The following ANO1 variants were observed in gnomAD, a reference collection of about 807,000 sequenced individuals.
The protein encoded by ANO1 is anoctamin-1.
In ANO1, 59 loss-of-function variants were observed where a neutral mutation model predicts 124.0. That is an observed-to-expected ratio of 0.48 (90% CI 0.39 to 0.59). The LOEUF is 0.59. Among genes scored for constraint, ANO1 ranks in the 20% least tolerant of loss-of-function variants. The pLI is 0.00. For missense variants in ANO1, 1,059 were observed against 1,328.0 expected (o/e 0.80, Z 3.15); for synonymous variants, 529 against 532.0 (o/e 0.99, Z 0.08).
chr11:70,145,936 C>CAA (rs2047355953), intron 11 of ANO1, among the ~76,000 whole-genome samples: 1 of 45,494 alleles, frequency 2.2e-5, no homozygotes, highest in Non-Finnish European at 4.1e-5. Flanking sequence ...GACTCCTTCT[C>CAA]AAAAAACAAA....
intron 1 of ANO1, among the ~76,000 whole-genome samples, chr11:69,997,714 C>T (rs1226997306): frequency 2.0e-5 from 3 of 152,160 alleles, no homozygotes; most frequent in African/African-American, 7.2e-5. Context: ...GGCAACCGTT[C>T]CCCTTAGCGA....
the ANO1 span, among the ~76,000 whole-genome samples, chr11:69,975,175 A>G: frequency 6.6e-6 from 1 of 152,198 alleles, no homozygotes; most frequent in South Asian, 2.1e-4. Flanking sequence ...TGCACCCGAC[A>G]GGCCAAGCCT....
At chr11:69,987,395 T>C (rs1293148059) in intron 1 of ANO1, among the ~76,000 whole-genome samples, 9 of 152,202 alleles carry the variant, frequency 5.9e-5, no homozygotes, top group African/African-American at 2.2e-4. Context: ...TCCTCAGTGC[T>C]ACCCTGTAAA....
chr11:70,089,645 A>G (rs1394285246), intron 2 of ANO1, among the ~76,000 whole-genome samples: 7 of 152,130 alleles, frequency 4.6e-5, no homozygotes, highest in Admixed American at 4.6e-4. Flanking sequence ...ACAAGTTTTG[A>G]TGATCAGGAA....
At chr11:69,967,663 C>T in the ANO1 span, among the ~76,000 whole-genome samples, 241 of 152,342 alleles carry the variant, frequency 1.6e-3, no homozygotes, top group African/African-American at 5.4e-3. Context: ...AATGCTGTCA[C>T]GGCCCCCGTT....
chr11:70,174,866 G>A (rs573171455), intron 22 of ANO1, among the ~76,000 whole-genome samples: 21 of 151,976 alleles, frequency 1.4e-4, no homozygotes, highest in African/African-American at 5.1e-4. Flanking sequence ...TCCCATGGCA[G>A]TAAAGAAAAG....
chr11:70,099,418 C>T (rs185989036), intron 2 of ANO1, among the ~76,000 whole-genome samples: 74 of 152,310 alleles, frequency 4.9e-4, no homozygotes, highest in Non-Finnish European at 9.3e-4. Context: ...CCACCGGCTC[C>T]TTGACCACCG....
At chr11:69,987,051 G>T (rs915196979) in intron 1 of ANO1, among the ~76,000 whole-genome samples, 1 of 151,292 alleles carries the variant, frequency 6.6e-6, no homozygotes, top group South Asian at 2.1e-4. Context: ...TCTTCTTTTC[G>T]AATTCCCATG....
At chr11:70,054,549 T>A (rs1857404472) in intron 1 of ANO1, among the ~76,000 whole-genome samples, 1 of 152,232 alleles carries the variant, frequency 6.6e-6, no homozygotes, top group South Asian at 2.1e-4. Context: ...GAAGGTATAT[T>A]TGTCAAAGTA....
intron 10 of ANO1, among the ~76,000 whole-genome samples, chr11:70,128,357 G>A (rs2046608647): frequency 6.6e-6 from 1 of 152,196 alleles, no homozygotes; most frequent in Non-Finnish European, 1.5e-5. Context: ...TTTAGGCTAG[G>A]AGCTCAAAGC....
intron 1 of ANO1, among the ~76,000 whole-genome samples, chr11:70,005,147 T>G (rs574092979): frequency 6.6e-6 from 1 of 151,474 alleles, no homozygotes; most frequent in African/African-American, 2.4e-5. Flanking sequence ...AGAAACATTC[T>G]TATCATGGGT....
intron 1 of ANO1, among the ~76,000 whole-genome samples, chr11:70,041,745 G>A (rs1857186230): frequency 6.6e-6 from 1 of 152,008 alleles, no homozygotes; most frequent in Non-Finnish European, 1.5e-5. Flanking sequence ...CAGTAATCCT[G>A]CTGTACTTCC....
At chr11:70,153,248 T>G (rs2047674918) in intron 14 of ANO1, 120 bp downstream of exon 14, 1 of 878,046 alleles carries the variant, frequency 1.1e-6, no homozygotes, top group Admixed American at 2.3e-5. Flanking sequence ...GTGTTGCGGC[T>G]GCTCAACTCT....
intron 1 of ANO1, among the ~76,000 whole-genome samples, chr11:70,021,815 C>T (rs1321962349): frequency 6.6e-6 from 1 of 152,196 alleles, no homozygotes; most frequent in African/African-American, 2.4e-5. Context: ...TGCCAGGAGC[C>T]CCTTCACATC....
upstream of ANO1, among the ~76,000 whole-genome samples, chr11:69,985,078 G>C (rs540682734): frequency 6.6e-6 from 1 of 152,320 alleles, no homozygotes; most frequent in Non-Finnish European, 1.5e-5. Context: ...CCAGACCTTG[G>C]TTTCTAAACC....
chr11:70,185,443 G>T lies in ANO1; in HGVS notation c.2589-147G>T, dbSNP rs868151685. On this transcript the variant is annotated intron_variant, in intron 24 of 25. Transcript: ENST00000355303. The stretch of plus-strand genomic sequence containing the variant: ...AGACTCCGTGGGTGCGGGGCCATGG[G>T]CTGCTCGCCCAAGAGAGGGCTGCCC... 1.2e-5 allele frequency: 8 copies of T among 672,524 alleles called. No homozygotes were observed. The Middle Eastern group carries it at 1.3e-3, about 106-fold the overall frequency. The allele number at this position is 672,524 out of a possible 1,614,324, so 41.7% of individuals were successfully genotyped here.
At position 70,171,059 on chromosome 11, in the gene ANO1, G is replaced by T. The variant is rs770550518; in HGVS notation, c.2350+20G>T. The T allele has an allele frequency of 3.7e-6, 6 of 1,607,858 alleles. No individual in the cohort carries two copies. Among genetic ancestry groups the T allele is most frequent in the Middle Eastern group, 3.3e-4 (2 of 6,082 alleles). On this transcript the variant is annotated intron_variant, in intron 22 of 25. Coordinates refer to ENST00000355303, the MANE Select transcript of ANO1 (RefSeq NM_018043.7). ...ACATCGGTGAGTGACCCCACGGGCCGGCAGAACCGGTTCCGAGTGCGTGCT... is the reference window on the plus strand; with the variant it reads ...ACATCGGTGAGTGACCCCACGGGCCTGCAGAACCGGTTCCGAGTGCGTGCT...
At chr11:69,998,722 TGGTTC>T (rs1856323358) in intron 1 of ANO1, among the ~76,000 whole-genome samples, 2 of 152,108 alleles carry the variant, frequency 1.3e-5, no homozygotes, top group African/African-American at 4.8e-5. Context: ...CTGAGGCAGG[TGGTTC>T]ACCTGAGGTC....
At chr11:70,020,315 A>C (rs1856778523) in intron 1 of ANO1, among the ~76,000 whole-genome samples, 1 of 151,644 alleles carries the variant, frequency 6.6e-6, no homozygotes, top group Non-Finnish European at 1.5e-5. Flanking sequence ...CATCCTCACC[A>C]CCCACCCTCA....
Sources: allele counts gnomAD v4.1 joint callset (sites outside exome capture counted in the v4.1 genomes callset), GRCh38; gene constraint gnomAD v4.1.1; transcripts MANE v1.5; gene names NCBI Gene and HGNC (gene_info 2026-07-23, HGNC 2026-07-21).